The following ANO5 variants were observed in gnomAD, a reference collection of about 807,000 sequenced individuals.
The protein encoded by ANO5 is anoctamin 5.
Under a neutral mutation model 121.0 loss-of-function variants are expected in ANO5, and 109 were observed. That is an observed-to-expected ratio of 0.90 (90% CI 0.77 to 1.06). The LOEUF is 1.06. Ranked by LOEUF, ANO5 falls within the 50% of genes least tolerant of loss-of-function variation. The probability of loss-of-function intolerance (pLI) is 0.00; values close to 1 mark genes in which losing one functional copy is unlikely to be tolerated. For synonymous variants in ANO5, 406 were observed against 359.9 expected, an observed-to-expected ratio of 1.13 and a Z score of -1.45; for missense variants, 1,064 against 1,078.5, an observed-to-expected ratio of 0.99 and a Z score of 0.19.
At chr11:22,267,624 T>C (rs1286548204) in intron 17 of ANO5, among the ~76,000 whole-genome samples, 1 of 49,918 alleles carries the variant, frequency 2.0e-5, no homozygotes, top group Non-Finnish European at 3.8e-5. Context: ...TCTCTCTCTT[T>C]TTTTTTAACT....
rs771614608 is a variant in ANO5 at position 22,211,257 on chromosome 11, C to A, written c.88-7C>A. The A allele has an allele frequency of 1.9e-6, 3 of 1,611,832 alleles. No individual in the cohort carries two copies. The highest frequency in any genetic ancestry group is 1.7e-5 in the Admixed American group (1 of 59,832). ...AATAGCATTATATCTTCCCCTGGTA[C>A]TGTTAGCAGAGCCTGAGCAGCAGAG... is the stretch of plus-strand genomic sequence containing the variant. On this transcript the variant is annotated splice_polypyrimidine_tract_variant and splice_region_variant and intron_variant, in intron 2 of 21. Transcript: ENST00000324559.
intron 16 of ANO5, 107 bp downstream of exon 16, chr11:22,262,405 C>A: frequency 8.6e-7 from 1 of 1,160,500 alleles, no homozygotes; most frequent in Non-Finnish European, 1.2e-6. Context: ...CAAAATATAT[C>A]TAGGCACTGA....
chr11:22,203,918 A>T, intron 2 of ANO5, 68 bp downstream of exon 2: 1 of 1,082,436 alleles, frequency 9.2e-7, no homozygotes, highest in Non-Finnish European at 1.4e-6. Flanking sequence ...AGGTTAACTA[A>T]GCCTTTGTAC....
chr11:22,257,657 T>G lies in ANO5; in HGVS notation c.1333-23T>G, dbSNP rs768184331. 3 of 1,574,702 alleles carry G rather than the reference T, an allele frequency of 1.9e-6. No individual in the cohort carries two copies. In the South Asian group the frequency reaches 3.3e-5, roughly 17 times the overall value. On this transcript the variant is annotated intron_variant, in intron 13 of 21. Transcript: ENST00000324559. Reference sequence around the variant, plus strand: ...CTTAGAGGGGAGATTTTGAATTTCTTTGTGATTTCTTCAATATTACAGGAG... The same window carrying G: ...CTTAGAGGGGAGATTTTGAATTTCTGTGTGATTTCTTCAATATTACAGGAG...
At chr11:22,263,683 G>A (rs377550249) in intron 17 of ANO5, among the ~76,000 whole-genome samples, 40 of 152,238 alleles carry the variant, frequency 2.6e-4, no homozygotes, top group South Asian at 1.9e-3. Flanking sequence ...GTAAGTCTAC[G>A]ATCCTTCAGG....
At chr11:22,204,968 T>C (rs1181720484) in intron 2 of ANO5, among the ~76,000 whole-genome samples, 1 of 152,124 alleles carries the variant, frequency 6.6e-6, no homozygotes, top group Admixed American at 6.6e-5. Flanking sequence ...AATGATAGAT[T>C]GGATAAAGAA....
At chr11:22,223,059 T>A (rs1852706445) in intron 5 of ANO5, among the ~76,000 whole-genome samples, 1 of 151,974 alleles carries the variant, frequency 6.6e-6, no homozygotes, top group South Asian at 2.1e-4. Context: ...GTAAGCTATC[T>A]TACTTTCTGT....
chr11:22,249,708 A>G (rs920843784), intron 9 of ANO5, among the ~76,000 whole-genome samples: 4 of 152,132 alleles, frequency 2.6e-5, no homozygotes, highest in Non-Finnish European at 2.9e-5. Context: ...GGCCTGCTGC[A>G]TATGTCACAA....
chr11:22,207,141 G>T (rs1182342412), intron 2 of ANO5, among the ~76,000 whole-genome samples: 2 of 151,796 alleles, frequency 1.3e-5, no homozygotes, highest in Admixed American at 1.3e-4. Flanking sequence ...AACCCAAATT[G>T]GTATATAAGT....
At chr11:22,218,115 T>A (rs879202650) in intron 3 of ANO5, 131 bp from the exon 4 acceptor site, 1 of 606,236 alleles carries the variant, frequency 1.6e-6, no homozygotes. Flanking sequence ...GTTTGAAATA[T>A]CACACACACA....
Position 22,257,273 on chromosome 11 carries a change from A to G in ANO5, c.1333-407A>G, listed in dbSNP as rs117372500. 2.7e-3 allele frequency among the ~76,000 whole-genome samples: 407 copies of G among 152,278 alleles called. 1 individual carries two copies. The highest frequency in any genetic ancestry group is 0.014 in the Middle Eastern group (4 of 294). On this transcript the variant is annotated intron_variant, in intron 13 of 21. Transcript: ENST00000324559. ...CACAGTTTATCTGAAAAATATAAAG[A>G]AAGCATCTAATTTAATATCATGCAG... is the stretch of plus-strand genomic sequence containing the variant.
chr11:22,233,081 T>C (rs1853097123), intron 7 of ANO5, among the ~76,000 whole-genome samples: 2 of 152,044 alleles, frequency 1.3e-5, no homozygotes, highest in Non-Finnish European at 2.9e-5. Flanking sequence ...GAAGTGTTCA[T>C]CTGTGTTACT....
intron 4 of ANO5, 141 bp downstream of exon 4, chr11:22,218,428 T>C (rs2133578838): frequency 1.8e-6 from 2 of 1,087,548 alleles, no homozygotes; most frequent in South Asian, 1.3e-5. Flanking sequence ...AGTTTAAGAA[T>C]AGTGATTCTT....
intron 2 of ANO5, among the ~76,000 whole-genome samples, chr11:22,208,797 AG>A (rs1564912811): frequency 6.6e-6 from 1 of 151,974 alleles, no homozygotes; most frequent in Admixed American, 6.6e-5. Flanking sequence ...GTGAAGCTAT[AG>A]TTATTGCAAA....
At chr11:22,239,306 G>A (rs1360441377) in intron 8 of ANO5, among the ~76,000 whole-genome samples, 1 of 152,044 alleles carries the variant, frequency 6.6e-6, no homozygotes, top group Non-Finnish European at 1.5e-5. Flanking sequence ...GAGTAGAGAA[G>A]AAAGGGCATT....
intron 7 of ANO5, among the ~76,000 whole-genome samples, chr11:22,234,991 T>C (rs1179452760): frequency 6.6e-6 from 1 of 152,092 alleles, no homozygotes; most frequent in Non-Finnish European, 1.5e-5. Flanking sequence ...CAAAGAAAGA[T>C]AATCCCTGAC....
At chr11:22,214,918 T>C (rs921784439) in intron 3 of ANO5, among the ~76,000 whole-genome samples, 5 of 151,982 alleles carry the variant, frequency 3.3e-5, no homozygotes, top group Non-Finnish European at 7.4e-5. Flanking sequence ...TATTTAATAA[T>C]GCAATTTAAA....
At chr11:22,221,572 AGGT>A (rs1299440061) in intron 5 of ANO5, among the ~76,000 whole-genome samples, 1 of 151,966 alleles carries the variant, frequency 6.6e-6, no homozygotes, top group Non-Finnish European at 1.5e-5. Flanking sequence ...CCATTGCTCC[AGGT>A]ATAGCTTTTA....
chr11:22,251,981 G>A (rs1402637112), intron 12 of ANO5, among the ~76,000 whole-genome samples: 2 of 124,942 alleles, frequency 1.6e-5, no homozygotes, highest in Non-Finnish European at 3.1e-5. Flanking sequence ...AGTGAGCCGA[G>A]ATTGTGCCAC....
Sources: gnomAD v4.1 joint callset for allele counts (sites outside exome capture counted in the v4.1 genomes callset) on GRCh38, gnomAD v4.1.1 for gene constraint, MANE v1.5 for transcripts, NCBI Gene and HGNC (gene_info 2026-07-23, HGNC 2026-07-21) for gene names.